The following ARAP2 variants were observed in gnomAD, a reference collection of about 807,000 sequenced individuals.
ARAP2 encodes ArfGAP with RhoGAP domain, ankyrin repeat and PH domain 2.
A neutral mutation model predicts 194.5 loss-of-function variants in ARAP2; 148 were observed. The ratio of observed to expected loss-of-function variants is 0.76; its 90% CI spans 0.67 to 0.87. The LOEUF is 0.87. Among genes scored for constraint, ARAP2 ranks in the 40% least tolerant of loss-of-function variants. ARAP2 has a pLI of 0.00. For missense variants in ARAP2, 2,128 were observed against 1,989.7 expected, an observed-to-expected ratio of 1.07 and a Z score of -1.32; for synonymous variants, 695 against 683.5, an observed-to-expected ratio of 1.02 and a Z score of -0.26.
rs759820025 is a variant in ARAP2, at chr4:36,177,976, A to G, written c.1708T>C (p.Leu570=). The change falls in exon 9 of 33, where the codon TTA becomes CTA. Residue 570 remains leucine, a synonymous_variant. Transcript: ENST00000303965. ...EERNDWISIL[L]NALKSQSLTS... ...AGGGATTGTGATTTCAGTGCATTTA[A>G]TAGTATGCTGATCCAGTCATTTCTC... 2 of 1,610,552 alleles carry G rather than the reference A, an allele frequency of 1.2e-6. No individual in the cohort carries two copies. The highest frequency in any genetic ancestry group is 1.7e-6 in the Non-Finnish European group (2 of 1,178,812).
Position 36,160,485 on chromosome 4 carries a change from A to G in ARAP2, c.2416T>C (p.Ser806Pro). The change falls in exon 13 of 33, where the codon TCT becomes CCT. Residue 806 changes from serine to proline, a missense_variant. Ser to Pro is a moderately conservative substitution (Grantham distance 74). Transcript: ENST00000303965. Reference sequence around the variant, plus strand: ...TTATTTAATTCTTCTTTGGTGAGAGATGCCAAAAGAGTTTTTCTGAATTTT... The same window carrying G: ...TTATTTAATTCTTCTTTGGTGAGAGGTGCCAAAAGAGTTTTTCTGAATTTT... ...EGKFRKTLLA[S>P]LTKEELNKAL... is the part of the protein sequence containing the mutation. 16 of 1,562,150 alleles carry G rather than the reference A, an allele frequency of 1.0e-5. No individual in the cohort carries two copies. The highest frequency in any genetic ancestry group is 1.4e-5 in the Non-Finnish European group (16 of 1,160,854).
intron 2 of ARAP2, among the ~76,000 whole-genome samples, chr4:36,221,743 T>C (rs1354441819): frequency 6.6e-6 from 1 of 152,178 alleles, no homozygotes; most frequent in African/African-American, 2.4e-5. Flanking sequence ...AGGAAGTAAG[T>C]TGTTTTGAAA....
intron 8 of ARAP2, among the ~76,000 whole-genome samples, chr4:36,182,019 T>G (rs1029216501): frequency 1.3e-5 from 2 of 151,918 alleles, no homozygotes; most frequent in African/African-American, 2.4e-5. Flanking sequence ...TAGGATAAGG[T>G]GAACATGTAA....
At chr4:36,196,242 A>G (rs1454883804) in intron 6 of ARAP2, among the ~76,000 whole-genome samples, 1 of 152,220 alleles carries the variant, frequency 6.6e-6, no homozygotes, top group Admixed American at 6.5e-5. Flanking sequence ...CACCATCTTG[A>G]TAGACAGTTT....
intron 17 of ARAP2, 53 bp downstream of exon 17, chr4:36,148,352 T>C: frequency 7.3e-7 from 1 of 1,363,180 alleles, no homozygotes. Flanking sequence ...AAACACAGAC[T>C]CCCAGTTCAC....
chr4:36,206,921 A>C (rs968170168), intron 6 of ARAP2, among the ~76,000 whole-genome samples: 4 of 152,246 alleles, frequency 2.6e-5, no homozygotes, highest in Non-Finnish European at 4.4e-5. Flanking sequence ...ATTTCAAGTA[A>C]AATAGAAATT....
At chr4:36,145,273 C>G (rs28408136) in intron 19 of ARAP2, among the ~76,000 whole-genome samples, 26,436 of 151,868 alleles carry the variant, frequency 0.17, 4,444 homozygotes, top group African/African-American at 0.43. Flanking sequence ...GACGTGGAAT[C>G]AACTCAAGTG....
chr4:36,220,898 A>C (rs1233685732), intron 2 of ARAP2, among the ~76,000 whole-genome samples: 1 of 152,052 alleles, frequency 6.6e-6, no homozygotes, highest in African/African-American at 2.4e-5. Flanking sequence ...TTGAAGAAAA[A>C]AGTATTGCTA....
chr4:36,102,944 T>G (rs191428550), intron 27 of ARAP2, among the ~76,000 whole-genome samples: 12 of 151,770 alleles, frequency 7.9e-5, no homozygotes, highest in African/African-American at 2.9e-4. Flanking sequence ...AAAAGAAAAA[T>G]TTCCAATTTA....
At chr4:36,216,750 A>C (rs1748017136) in intron 2 of ARAP2, among the ~76,000 whole-genome samples, 1 of 152,246 alleles carries the variant, frequency 6.6e-6, no homozygotes. Context: ...CTACTAAAAA[A>C]AACTAATAAT....
At chr4:36,115,427 T>G (rs529972775) in intron 25 of ARAP2, among the ~76,000 whole-genome samples, 24 of 152,154 alleles carry the variant, frequency 1.6e-4, no homozygotes, top group African/African-American at 5.5e-4. Context: ...GCTAGCACTT[T>G]CTTTAAAAAA....
At chr4:36,048,939 G>C (rs1259930152) in intron 3 of ARAP2, among the ~76,000 whole-genome samples, 6 of 152,002 alleles carry the variant, frequency 3.9e-5, no homozygotes, top group African/African-American at 1.4e-4. Flanking sequence ...GTATCTTGTT[G>C]TGGTTGTGAT....
intron 15 of ARAP2, among the ~76,000 whole-genome samples, chr4:36,152,413 G>A (rs1005080977): frequency 6.6e-6 from 1 of 152,028 alleles, no homozygotes; most frequent in African/African-American, 2.4e-5. Context: ...GTCAAAATAC[G>A]AATCAAAGGG....
intron 29 of ARAP2, among the ~76,000 whole-genome samples, chr4:36,083,137 A>G (rs1226167349): frequency 2.0e-5 from 3 of 152,028 alleles, no homozygotes; most frequent in Non-Finnish European, 2.9e-5. Flanking sequence ...AGAGATTGCA[A>G]TCACCAAGGA....
intron 9 of ARAP2, among the ~76,000 whole-genome samples, chr4:36,168,676 T>A (rs890438186): frequency 1.4e-4 from 21 of 152,164 alleles, no homozygotes; most frequent in Admixed American, 9.8e-4. Flanking sequence ...AGAAAACAAA[T>A]CATCAACCGA....
At chr4:36,010,292 A>G (rs1270420075) in intron 9 of ARAP2, among the ~76,000 whole-genome samples, 1 of 151,892 alleles carries the variant, frequency 6.6e-6, no homozygotes, top group Non-Finnish European at 1.5e-5. Context: ...CATATTACAT[A>G]TATATACTAT....
At chr4:36,096,343 C>T (rs567592744) in intron 27 of ARAP2, among the ~76,000 whole-genome samples, 31 of 122,938 alleles carry the variant, frequency 2.5e-4, no homozygotes, top group Non-Finnish European at 4.4e-4. Context: ...CCAGTCTGGG[C>T]GGCAGAGTGA....
At chr4:36,087,942 T>C (rs1271889949) in intron 28 of ARAP2, among the ~76,000 whole-genome samples, 1 of 152,086 alleles carries the variant, frequency 6.6e-6, no homozygotes, top group East Asian at 1.9e-4. Flanking sequence ...TCTTTCTTCA[T>C]CTGCATAGTG....
intron 19 of ARAP2, among the ~76,000 whole-genome samples, chr4:36,136,808 T>C (rs1200414876): frequency 3.1e-5 from 4 of 129,576 alleles, no homozygotes; most frequent in Admixed American, 8.5e-5. Flanking sequence ...TGTGTGTGTG[T>C]GTGTGTGTGT....
Sources: gnomAD v4.1 joint callset for allele counts (sites outside exome capture counted in the v4.1 genomes callset) on GRCh38, gnomAD v4.1.1 for gene constraint, MANE v1.5 for transcripts, NCBI Gene and HGNC (gene_info 2026-07-23, HGNC 2026-07-21) for gene names.